The following DMXL2 variants were observed in gnomAD, a reference collection of about 807,000 sequenced individuals.
DMXL2 encodes Dmx like 2, also known as dmX-like protein 2.
DMXL2 carries 103 observed loss-of-function variants against 331.1 expected under a neutral mutation model. The ratio of observed to expected loss-of-function variants is 0.31; its 90% CI spans 0.27 to 0.37. The LOEUF (loss-of-function observed/expected upper bound fraction) is 0.37. Ranked by LOEUF, DMXL2 falls within the 10% of genes least tolerant of loss-of-function variation. The pLI is 1.00. For missense variants in DMXL2, 3,171 were observed against 3,642.9 expected, an observed-to-expected ratio of 0.87 and a Z score of 3.33; for synonymous variants, 1,281 against 1,252.1, an observed-to-expected ratio of 1.02 and a Z score of -0.49.
In DMXL2 at chr15:51,512,474, G is replaced by A. The variant is rs56246647; in HGVS notation, c.2644+1968C>T. Among the ~76,000 whole-genome samples the A allele has an allele frequency of 6.4e-3, 973 of 152,182 alleles. 18 individuals are homozygous for A. Among genetic ancestry groups the A allele is most frequent in the African/African-American group, 0.022 (932 of 41,524 alleles). The stretch of plus-strand genomic sequence containing the variant: ...ATGTAAGGAAGTTATTTTTAGAAAC[G>A]CATATGGAAGTGAAACAACACTGTA... On this transcript the variant is annotated intron_variant, in intron 15 of 43. Coordinates refer to ENST00000560891, the MANE Select transcript of DMXL2 (RefSeq NM_001378457.1).
chr15:51,586,528 T>A (rs770040150), intron 1 of DMXL2, among the ~76,000 whole-genome samples: 2 of 152,136 alleles, frequency 1.3e-5, no homozygotes, highest in Non-Finnish European at 2.9e-5. Flanking sequence ...GAAAGAACTT[T>A]CTTTATAAAA....
chr15:51,546,198 A>C (rs2048880170), intron 7 of DMXL2, among the ~76,000 whole-genome samples: 1 of 152,138 alleles, frequency 6.6e-6, no homozygotes, highest in African/African-American at 2.4e-5. Flanking sequence ...CTTCATCATA[A>C]AACTGTAAGG....
intron 3 of DMXL2, among the ~76,000 whole-genome samples, chr15:51,565,576 A>G (rs574966632): frequency 2.0e-5 from 3 of 152,310 alleles, no homozygotes; most frequent in South Asian, 4.1e-4. Flanking sequence ...TTCTGCCATT[A>G]TAACACTGAT....
chr15:51,457,229 T>G, intron 37 of DMXL2, 99 bp downstream of exon 37: 1 of 1,280,850 alleles, frequency 7.8e-7, no homozygotes, highest in Non-Finnish European at 1.1e-6. Flanking sequence ...TCTACTGGTG[T>G]TTGTCCCTGA....
chr15:51,490,640 T>G (rs764634441), intron 20 of DMXL2, among the ~76,000 whole-genome samples: 1 of 152,206 alleles, frequency 6.6e-6, no homozygotes, highest in African/African-American at 2.4e-5. Context: ...AAAATGGAGA[T>G]GATGACATGG....
chr15:51,471,519 T>C, intron 28 of DMXL2, 118 bp from the exon 29 acceptor site: 1 of 911,916 alleles, frequency 1.1e-6, no homozygotes, highest in Non-Finnish European at 1.6e-6. Flanking sequence ...AAATTACTTA[T>C]TCCTGTGCTT....
At chr15:51,501,465 T>C (rs1032364324) in intron 17 of DMXL2, among the ~76,000 whole-genome samples, 1 of 152,190 alleles carries the variant, frequency 6.6e-6, no homozygotes, top group Admixed American at 6.5e-5. Flanking sequence ...CTGCCAACTG[T>C]TGTTCAAACA....
intron 28 of DMXL2, 59 bp downstream of exon 28, chr15:51,474,285 A>T: frequency 2.0e-6 from 3 of 1,497,722 alleles, no homozygotes; most frequent in Non-Finnish European, 2.7e-6. Flanking sequence ...ATTAAAAAAA[A>T]TTTTAACATT....
chr15:51,544,151 T>C (rs2140925431), intron 8 of DMXL2, among the ~76,000 whole-genome samples: 1 of 152,312 alleles, frequency 6.6e-6, no homozygotes, highest in Admixed American at 6.5e-5. Context: ...GTTTAGATAC[T>C]TGACCCTGCC....
At chr15:51,456,867 T>C (rs967252780) in intron 37 of DMXL2, among the ~76,000 whole-genome samples, 2 of 152,184 alleles carry the variant, frequency 1.3e-5, no homozygotes, top group African/African-American at 4.8e-5. Context: ...AAAGCATGTA[T>C]CTGACACTAA....
Position 51,471,136 on chromosome 15 carries a change from C to G in DMXL2, c.7392+87G>C, listed in dbSNP as rs557554055. On this transcript the variant is annotated intron_variant, in intron 29 of 43. Coordinates refer to ENST00000560891, the MANE Select transcript of DMXL2 (RefSeq NM_001378457.1). The stretch of plus-strand genomic sequence containing the variant: ...TATGGTGATTCAATCCAAAAGCTAC[C>G]CCATCATTCCTATGTGAGACACATG... 1.9e-5 allele frequency: 24 copies of G among 1,253,958 alleles called. No homozygotes were observed. In the African/African-American group the frequency reaches 3.3e-4, roughly 17 times the overall value. 77.7% of individuals were successfully genotyped at this position (1,253,958 alleles called of 1,614,324 possible).
chr15:51,524,476 C>A (rs201828925), intron 13 of DMXL2, among the ~76,000 whole-genome samples: 1 of 152,140 alleles, frequency 6.6e-6, no homozygotes, highest in East Asian at 1.9e-4. Flanking sequence ...CCAGTTTTAA[C>A]TTCATTATCA....
chr15:51,550,987 G>A (rs963444732), intron 6 of DMXL2, among the ~76,000 whole-genome samples: 3 of 151,992 alleles, frequency 2.0e-5, no homozygotes, highest in Non-Finnish European at 4.4e-5. Context: ...CACAACACCT[G>A]AAATAAAACC....
At chr15:51,572,813 A>T (rs893342106) in intron 2 of DMXL2, among the ~76,000 whole-genome samples, 73 of 152,254 alleles carry the variant, frequency 4.8e-4, no homozygotes, top group African/African-American at 1.7e-3. Context: ...TTTATGACAA[A>T]CCCACAGCCA....
chr15:51,587,394 C>G (rs904638729), intron 1 of DMXL2, among the ~76,000 whole-genome samples: 1 of 152,076 alleles, frequency 6.6e-6, no homozygotes. Flanking sequence ...GTTCAATTCC[C>G]ACCTACGAGT....
chr15:51,589,801 G>C (rs772058798), intron 1 of DMXL2, among the ~76,000 whole-genome samples: 6 of 152,158 alleles, frequency 3.9e-5, no homozygotes, highest in Non-Finnish European at 7.3e-5. Flanking sequence ...TGAATTAAGA[G>C]ACTATAAAGA....
intron 13 of DMXL2, among the ~76,000 whole-genome samples, chr15:51,532,032 A>C (rs1239103025): frequency 6.6e-6 from 1 of 152,144 alleles, no homozygotes; most frequent in Non-Finnish European, 1.5e-5. Flanking sequence ...CACATACCCA[A>C]AAGAACGAAA....
At chr15:51,565,196 A>G (rs759739464) in intron 3 of DMXL2, 30 bp from the exon 4 acceptor site, 3 of 1,423,642 alleles carry the variant, frequency 2.1e-6, no homozygotes, top group African/African-American at 2.9e-5. Flanking sequence ...AGAAATAAGA[A>G]AAAAGAAAAA....
intron 36 of DMXL2, 62 bp from the exon 37 acceptor site, chr15:51,457,528 T>A (rs1595885403): frequency 1.3e-6 from 2 of 1,579,678 alleles, no homozygotes; most frequent in South Asian, 1.2e-5. Flanking sequence ...AAATTCCAAC[T>A]AAAAATCTTC....
Sources: gnomAD v4.1 joint callset for allele counts (sites outside exome capture counted in the v4.1 genomes callset) on GRCh38, gnomAD v4.1.1 for gene constraint, MANE v1.5 for transcripts, NCBI Gene and HGNC (gene_info 2026-07-23, HGNC 2026-07-21) for gene names.